TOM1L2: variants seen among roughly 807,000 people sequenced by gnomAD.
TOM1L2 encodes the protein TOM1-like protein 2.
Under a neutral mutation model 67.9 loss-of-function variants are expected in TOM1L2, and 31 were observed. That is an observed-to-expected ratio of 0.46 (90% CI 0.34 to 0.62). TOM1L2 has a LOEUF of 0.62. Among genes scored for constraint, TOM1L2 ranks in the 20% least tolerant of loss-of-function variants. The pLI, the probability that TOM1L2 is intolerant of heterozygous loss-of-function variation, is 0.01. For synonymous variants in TOM1L2, 256 were observed against 254.0 expected, an observed-to-expected ratio of 1.01 and a Z score of -0.07; for missense variants, 606 against 663.5, an observed-to-expected ratio of 0.91 and a Z score of 0.95.
At chr17:17,865,584 G>A (rs2036801604) in intron 10 of TOM1L2, among the ~76,000 whole-genome samples, 1 of 151,796 alleles carries the variant, frequency 6.6e-6, no homozygotes, top group African/African-American at 2.4e-5. Context: ...TCACCATTTT[G>A]GCCAGGCTGG....
At chr17:17,965,274 C>T (rs1420994330) in intron 1 of TOM1L2, among the ~76,000 whole-genome samples, 1 of 152,142 alleles carries the variant, frequency 6.6e-6, no homozygotes, top group African/African-American at 2.4e-5. Context: ...AACTACTTAG[C>T]CAACATATGA....
chr17:17,956,519 C>A (rs1055611638), intron 1 of TOM1L2, among the ~76,000 whole-genome samples: 1 of 152,204 alleles, frequency 6.6e-6, no homozygotes, highest in African/African-American at 2.4e-5. Context: ...CTTGGGCGGT[C>A]GATGGGACCG....
intron 6 of TOM1L2, among the ~76,000 whole-genome samples, chr17:17,881,576 T>G (rs1050956834): frequency 6.6e-6 from 1 of 152,232 alleles, no homozygotes; most frequent in African/African-American, 2.4e-5. Flanking sequence ...AGAGACCTTC[T>G]TTCCCACAGC....
intron 1 of TOM1L2, among the ~76,000 whole-genome samples, chr17:17,951,591 T>C (rs2041209408): frequency 6.6e-6 from 1 of 152,140 alleles, no homozygotes; most frequent in Admixed American, 6.5e-5. Flanking sequence ...AACTGAAGAA[T>C]GGTGACCAAA....
rs184978945 is a variant in TOM1L2 at position 17,956,100 on chromosome 17, C to G, written c.52+16162G>C. 1.0e-3 allele frequency among the ~76,000 whole-genome samples: 156 copies of G among 152,312 alleles called. 1 individual carries two copies. Among genetic ancestry groups the G allele is most frequent in the African/African-American group, 3.5e-3 (145 of 41,576 alleles). ...AAAGAGCAAAAGAACAAAGCCTCCC[C>G]CGCACGAAAAAGGACCCAAGTGGGT... On this transcript the variant is annotated intron_variant, in intron 1 of 14. Transcript: ENST00000379504.
chr17:17,968,756 C>T (rs563589845), intron 1 of TOM1L2, among the ~76,000 whole-genome samples: 1 of 152,176 alleles, frequency 6.6e-6, no homozygotes, highest in South Asian at 2.1e-4. Flanking sequence ...CACCACTCCC[C>T]ACAGCCACCT....
chr17:17,962,513 C>T (rs1050441735), intron 1 of TOM1L2, among the ~76,000 whole-genome samples: 2 of 151,894 alleles, frequency 1.3e-5, no homozygotes, highest in African/African-American at 2.4e-5. Context: ...AGGGTTTCAC[C>T]GTGTTGCGCA....
intron 1 of TOM1L2, among the ~76,000 whole-genome samples, chr17:17,957,657 T>A (rs962796489): frequency 4.0e-5 from 6 of 150,694 alleles, no homozygotes; most frequent in Non-Finnish European, 8.9e-5. Context: ...TTATATAAAA[T>A]ATATATAAAA....
intron 1 of TOM1L2, among the ~76,000 whole-genome samples, chr17:17,968,156 T>A (rs994324381): frequency 6.6e-6 from 1 of 152,186 alleles, no homozygotes; most frequent in Non-Finnish European, 1.5e-5. Context: ...TTTGTGAGCA[T>A]GTTACCTCTA....
intron 1 of TOM1L2, among the ~76,000 whole-genome samples, chr17:17,936,856 T>C (rs1218201775): frequency 6.6e-6 from 1 of 152,216 alleles, no homozygotes; most frequent in Non-Finnish European, 1.5e-5. Context: ...AAAATTTTTC[T>C]CTACTTCTCT....
At chr17:17,956,013 G>A (rs967579228) in intron 1 of TOM1L2, among the ~76,000 whole-genome samples, 1 of 152,200 alleles carries the variant, frequency 6.6e-6, no homozygotes, top group African/African-American at 2.4e-5. Context: ...GCAGACCTTT[G>A]CAGCCAGTGT....
intron 12 of TOM1L2, among the ~76,000 whole-genome samples, chr17:17,856,081 G>T (rs1336764222): frequency 6.6e-6 from 1 of 152,246 alleles, no homozygotes; most frequent in Non-Finnish European, 1.5e-5. Context: ...TGGCGAGGCA[G>T]TCTGTGTGGG....
intron 1 of TOM1L2, among the ~76,000 whole-genome samples, chr17:17,927,444 C>A (rs977278069): frequency 9.2e-5 from 14 of 152,154 alleles, no homozygotes; most frequent in African/African-American, 3.4e-4. Context: ...CCAGGACCTG[C>A]ATGCAGACCT....
At chr17:17,936,465 G>T (rs186782235) in intron 1 of TOM1L2, among the ~76,000 whole-genome samples, 183 of 152,178 alleles carry the variant, frequency 1.2e-3, no homozygotes, top group Non-Finnish European at 2.2e-3. Context: ...CATACCCTTT[G>T]ACATGGTAAT....
intron 3 of TOM1L2, among the ~76,000 whole-genome samples, chr17:17,896,828 G>A (rs149786379): frequency 6.6e-6 from 1 of 152,294 alleles, no homozygotes; most frequent in African/African-American, 2.4e-5. Context: ...AACAATTTTG[G>A]TGGGTACAGA....
intron 1 of TOM1L2, among the ~76,000 whole-genome samples, chr17:17,956,212 T>C (rs953527373): frequency 6.6e-6 from 1 of 152,232 alleles, no homozygotes; most frequent in Non-Finnish European, 1.5e-5. Context: ...AGAGACCTGA[T>C]TGGCCTATTT....
intron 7 of TOM1L2, among the ~76,000 whole-genome samples, chr17:17,871,327 C>T (rs1197477412): frequency 1.3e-5 from 2 of 151,864 alleles, no homozygotes; most frequent in African/African-American, 4.8e-5. Context: ...GCCGAGATCA[C>T]GCCACTGCAC....
intron 1 of TOM1L2, among the ~76,000 whole-genome samples, chr17:17,912,591 G>A (rs544891008): frequency 5.3e-5 from 8 of 151,344 alleles, no homozygotes; most frequent in Non-Finnish European, 8.9e-5. Flanking sequence ...GACGATGGGC[G>A]GCCGGGCAGA....
At chr17:17,954,012 T>C (rs1012240807) in intron 1 of TOM1L2, among the ~76,000 whole-genome samples, 3 of 152,242 alleles carry the variant, frequency 2.0e-5, no homozygotes, top group Admixed American at 6.5e-5. Context: ...CGGCTCAACA[T>C]AGTGCATTCA....
Sources: gnomAD v4.1 joint callset for allele counts (sites outside exome capture counted in the v4.1 genomes callset) on GRCh38, gnomAD v4.1.1 for gene constraint, MANE v1.5 for transcripts, NCBI Gene and HGNC (gene_info 2026-07-23, HGNC 2026-07-21) for gene names.